The following COL1A1 variants were observed in gnomAD, a reference collection of about 807,000 sequenced individuals.
COL1A1 encodes collagen alpha-1(I) chain.
Under a neutral mutation model 195.7 loss-of-function variants are expected in COL1A1, and 21 were observed. The observed-to-expected ratio is 0.11, with a 90% CI of 0.08 to 0.15. The LOEUF (loss-of-function observed/expected upper bound fraction) is 0.15, where lower values mean the gene tolerates loss of function less well. Among genes scored for constraint, COL1A1 ranks in the 10% least tolerant of loss-of-function variants. COL1A1 has a pLI of 1.00. For synonymous variants in COL1A1, 749 were observed against 747.3 expected (o/e 1.00, Z -0.04); for missense variants, 1,365 against 2,051.0 (o/e 0.67, Z 6.46).
In COL1A1 at chr17:50,185,606, T is replaced by C; in HGVS notation, c.4291A>G (p.Thr1431Ala). 1 of 1,613,828 alleles carries C rather than the reference T, an allele frequency of 6.2e-7. No homozygotes were observed. Among genetic ancestry groups the C allele is most frequent in the Non-Finnish European group, 8.5e-7 (1 of 1,179,960 alleles). ...ATGGGCAGGCGGGAGGTCTTGGTGGTTTTGTATTCAATCACTGTCTTGCCC... is the reference window on the plus strand; with the variant it reads ...ATGGGCAGGCGGGAGGTCTTGGTGGCTTTGTATTCAATCACTGTCTTGCCC... ...AWGKTVIEYK[T>A]TKTSRLPIID... Residue 1431 changes from threonine (T) to alanine (A), a missense_variant, in exon 51 of 51, where the codon ACC (threonine) becomes GCC (alanine). By Grantham distance (58) the Thr-to-Ala change is moderately conservative. This residue lies in a region of COL1A1 where 273 missense variants were observed against 338.6 expected (regional missense o/e 0.81). Coordinates refer to ENST00000225964, the MANE Select transcript of COL1A1 (RefSeq NM_000088.4).
chr17:50,199,511 G>A (rs950859114), intron 3 of COL1A1, 45 bp downstream of exon 3: 1 of 1,614,210 alleles, frequency 6.2e-7, no homozygotes, highest in East Asian at 2.2e-5. Context: ...GGACTGTGAG[G>A]AGTCACGGGC....
Position 50,191,256 on chromosome 17 carries a change from AG to A in COL1A1, c.2235+126del, listed in dbSNP as rs1210404537. 4 of 928,138 alleles carry A rather than the reference AG, an allele frequency of 4.3e-6. No homozygotes were observed. The African/African-American group carries it at 6.5e-5, about 15-fold the overall frequency. 57.5% of individuals were successfully genotyped at this position (928,138 alleles called of 1,614,324 possible). A position where few individuals can be genotyped will look rare whatever the true frequency, so the allele number is the denominator to read the frequency against. On this transcript the variant is annotated intron_variant, in intron 32 of 50. Transcript: ENST00000225964. ...CATCAGCAAAAAGGCCAGAGGGGAA[AG>A]GGGAAGAAGGGAGGATTAGCGAGAA...
At position 50,184,824 on chromosome 17, in the gene COL1A1, C is replaced by A; in HGVS notation, c.*678G>T. The A allele has an allele frequency of 5.0e-6, 1 of 198,186 alleles. No homozygotes were observed. 12.3% of individuals were successfully genotyped at this position (198,186 alleles called of 1,614,324 possible). The stretch of plus-strand genomic sequence containing the variant: ...ATCCGATGTTTCTGCTTTGTCGTGG[C>A]CCTTCCTGACTCTCCTCCGAACCCA... On this transcript the variant is annotated 3_prime_UTR_variant, in exon 51 of 51. Coordinates refer to ENST00000225964, the MANE Select transcript of COL1A1 (RefSeq NM_000088.4).
rs758914804 is a variant in COL1A1 at position 50,187,130 on chromosome 17, G to T, written c.3424-8C>A. On this transcript the variant is annotated splice_region_variant and splice_polypyrimidine_tract_variant and intron_variant, in intron 46 of 50. Coordinates refer to ENST00000225964, the MANE Select transcript of COL1A1 (RefSeq NM_000088.4). ...AGCAGAGCCAGGGGGACCCTGGAGT[G>T]GGGGAAATGGTTTGAGAAAGGCTGC... The T allele has an allele frequency of 1.3e-6, 2 of 1,593,450 alleles. No homozygotes were observed. Among genetic ancestry groups the T allele is most frequent in the Non-Finnish European group, 1.7e-6 (2 of 1,168,208 alleles).
At chr17:50,197,902 T>C in intron 8 of COL1A1, 47 bp downstream of exon 8, 1 of 1,601,618 alleles carries the variant, frequency 6.2e-7, no homozygotes, top group South Asian at 1.1e-5. Flanking sequence ...TATAGGAGAG[T>C]CTGTGTGTTT....
Position 50,190,333 on chromosome 17 carries a change from G to C in COL1A1, c.2445C>G (p.Gly815=), listed in dbSNP as rs762075856. The C allele has an allele frequency of 1.3e-6, 2 of 1,594,446 alleles. No individual in the cohort carries two copies. The highest frequency in any genetic ancestry group is 1.7e-6 in the Non-Finnish European group (2 of 1,163,756). ...TGGGGGTCTTGGTACTCACAGGGGGGCCAGCAAAGCCAGCAGGGCCGGGGG... is the reference window on the plus strand; with the variant it reads ...TGGGGGTCTTGGTACTCACAGGGGGCCCAGCAAAGCCAGCAGGGCCGGGGG... The part of the protein sequence containing the change: ...PGPPGPAGFA[G]PPGADGQPGA... Residue 815 remains glycine, a synonymous_variant, in exon 35 of 51, where the codon GGC becomes GGG. Transcript: ENST00000225964. This position sits in a 1 kb window ranked among gnomAD's most constrained non-coding sequence, Gnocchi z 4.7.
intron 29 of COL1A1, 142 bp from the exon 30 acceptor site, chr17:50,192,166 C>A: frequency 1.1e-6 from 1 of 912,660 alleles, no homozygotes; most frequent in Non-Finnish European, 1.7e-6. Flanking sequence ...TTATCCCAAA[C>A]AGCCCCTCTC....
intron 1 of COL1A1, among the ~76,000 whole-genome samples, chr17:50,200,782 A>G (rs1383882647): frequency 6.6e-6 from 1 of 152,194 alleles, no homozygotes; most frequent in Non-Finnish European, 1.5e-5. Flanking sequence ...TTCCAGATCT[A>G]GAGGTGGGGG....
intron 9 of COL1A1, among the ~76,000 whole-genome samples, chr17:50,197,526 G>GAGGTGGCTC (rs1309219698): frequency 6.6e-6 from 1 of 152,196 alleles, no homozygotes; most frequent in Non-Finnish European, 1.5e-5. Flanking sequence ...TAAGGTGGCT[G>GAGGTGGCTC]GGGTGAGGAG....
rs762086114 is a variant in COL1A1 at position 50,194,409 on chromosome 17, G to C, written c.1554C>G (p.Gly518=). 6 of 1,614,166 alleles carry C rather than the reference G, an allele frequency of 3.7e-6. No individual in the cohort carries two copies. The South Asian group carries it at 5.5e-5, about 15-fold the overall frequency. The part of the protein sequence containing the change: ...AGERGSPGPA[G]PKGSPGEAGR... The stretch of plus-strand genomic sequence containing the variant: ...CAGCTTCACCAGGAGATCCTTTGGG[G>C]CCAGCAGGGCCAGGAGAACCACGTT... Residue 518 remains glycine, a synonymous_variant, in exon 23 of 51, where the codon GGC becomes GGG. Coordinates refer to ENST00000225964, the MANE Select transcript of COL1A1 (RefSeq NM_000088.4). The surrounding 1 kb of genome is among the most constrained non-coding windows in gnomAD (Gnocchi z 6.8).
In COL1A1 at chr17:50,190,306, G is replaced by T; in HGVS notation, c.2451+21C>A. ...CAGGTCCCAGTCGGTGATGAAAAAT[G>T]ATGGGGGTCTTGGTACTCACAGGGG... is the stretch of plus-strand genomic sequence containing the variant. On this transcript the variant is annotated intron_variant, in intron 35 of 50. Coordinates refer to ENST00000225964, the MANE Select transcript of COL1A1 (RefSeq NM_000088.4). The surrounding 1 kb of genome is among the most constrained non-coding windows in gnomAD (Gnocchi z 4.7). 1.3e-6 allele frequency: 2 copies of T among 1,541,300 alleles called. No homozygotes were observed. Among genetic ancestry groups the T allele is most frequent in the Non-Finnish European group, 1.8e-6 (2 of 1,114,690 alleles).
intron 31 of COL1A1, 35 bp downstream of exon 31, chr17:50,191,753 G>A (rs1296542340): frequency 1.9e-6 from 3 of 1,551,552 alleles, no homozygotes; most frequent in Non-Finnish European, 2.6e-6. Context: ...TGGTCCCTGG[G>A]CCACTTGCCA....
In COL1A1 at chr17:50,185,257, CTTTTTTTTTT is replaced by C. The variant is rs56302025; in HGVS notation, c.*235_*244del. The C allele has an allele frequency of 5.2e-6, 1 of 191,288 alleles. No homozygotes were observed. The highest frequency in any genetic ancestry group is 7.2e-5 in the Admixed American group (1 of 13,878). 11.8% of individuals were successfully genotyped at this position (191,288 alleles called of 1,614,324 possible). On this transcript the variant is annotated 3_prime_UTR_variant, in exon 51 of 51. Coordinates refer to ENST00000225964, the MANE Select transcript of COL1A1 (RefSeq NM_000088.4). ...TTTTTTAAAAAGTTATTTATTTATT[CTTTTTTTTTT>C]TTTTTTTTTGGTAAGGTTGAATGCA...
In COL1A1 at chr17:50,191,771, T is replaced by A. The variant is rs1288654013; in HGVS notation, c.2127+17A>T. On this transcript the variant is annotated intron_variant, in intron 31 of 50. Transcript: ENST00000225964. ...TCCCTGGGCCACTTGCCAGAGCCCC[T>A]TCCACGCTGCCCTCACCTTAGCACC... 2 of 1,562,228 alleles carry A rather than the reference T, an allele frequency of 1.3e-6. No individual in the cohort carries two copies. The highest frequency in any genetic ancestry group is 4.7e-5 in the East Asian group (2 of 42,162).
rs1192744300 is a variant in COL1A1 at position 50,188,474 on chromosome 17, G to C, written c.3207+56C>G. ...ACACCCATCCCCAGGCCTCTAAGGAGGCCTGAAGAGTCCCTGGCCTGACCA... is the reference window on the plus strand; with the variant it reads ...ACACCCATCCCCAGGCCTCTAAGGACGCCTGAAGAGTCCCTGGCCTGACCA... On this transcript the variant is annotated intron_variant, in intron 43 of 50. Transcript: ENST00000225964. The surrounding 1 kb of genome is among the most constrained non-coding windows in gnomAD (Gnocchi z 5.6). 1.7e-5 allele frequency: 26 copies of C among 1,534,994 alleles called. No homozygotes were observed. The highest frequency in any genetic ancestry group is 2.1e-5 in the Non-Finnish European group (23 of 1,108,848).
In COL1A1 at chr17:50,199,313, G is replaced by C. The variant is rs1907857933; in HGVS notation, c.384C>G (p.Pro128=). The change falls in exon 5 of 51, where the codon CCC becomes CCG. Residue 128 remains proline, a synonymous_variant. Coordinates refer to ENST00000225964, the MANE Select transcript of COL1A1 (RefSeq NM_000088.4). ...GPRGPRGPAG[P]PGRDGIPGQP... ...GTCCAGGGATGCCATCTCGGCCAGGGGGGCCTGCGGGTCCCTGCAGGGGGA... is the reference window on the plus strand; with the variant it reads ...GTCCAGGGATGCCATCTCGGCCAGGCGGGCCTGCGGGTCCCTGCAGGGGGA... The C allele has an allele frequency of 3.2e-6, 5 of 1,549,936 alleles. No homozygotes were observed. In the East Asian group the frequency reaches 7.3e-5, roughly 23 times the overall value.
Position 50,192,523 on chromosome 17 carries a change from G to T in COL1A1, c.1935C>A (p.Leu645=). 1 of 1,614,034 alleles carries T rather than the reference G, an allele frequency of 6.2e-7. No homozygotes were observed. The highest frequency in any genetic ancestry group is 1.1e-5 in the South Asian group (1 of 91,086). The change falls in exon 29 of 51, where the codon CTC becomes CTA. Residue 645 remains leucine, a synonymous_variant. Coordinates refer to ENST00000225964, the MANE Select transcript of COL1A1 (RefSeq NM_000088.4). ...CACCTGGAGGACCAGCAGGACCAGG[G>T]AGACCCTGTAGGTGGGAAATGGGGG... ...GPAGSPGFQG[L]PGPAGPPGEA... is the part of the protein sequence containing the mutation.
rs1235430035 is a variant in COL1A1, at chr17:50,197,985, T to C, written c.606A>G (p.Gln202=). Residue 202 remains glutamine (Q), a synonymous_variant, in exon 8 of 51, where the codon CAA becomes CAG. Coordinates refer to ENST00000225964, the MANE Select transcript of COL1A1 (RefSeq NM_000088.4). ...GCTCGCCAGGCTCACCAGGGGGACC[T>C]TGGAAGCCTTGGGGACCCTTGAGAA... ...PPGAPGPQGF[Q]GPPGEPGEPG... The C allele has an allele frequency of 6.2e-7, 1 of 1,613,824 alleles. No individual in the cohort carries two copies. Among genetic ancestry groups the C allele is most frequent in the Non-Finnish European group, 8.5e-7 (1 of 1,179,972 alleles).
intron 31 of COL1A1, 137 bp downstream of exon 31, chr17:50,191,651 G>T: frequency 8.8e-7 from 1 of 1,131,714 alleles, no homozygotes; most frequent in Non-Finnish European, 1.3e-6. Context: ...CTGTGTGTGG[G>T]CCCCTGCCCT....
Sources: allele counts gnomAD v4.1 joint callset (sites outside exome capture counted in the v4.1 genomes callset), GRCh38; gene constraint gnomAD v4.1.1; regional missense constraint gnomAD v4.1.1; non-coding constraint Gnocchi (gnomAD v3.1); transcripts MANE v1.5; gene names NCBI Gene and HGNC (gene_info 2026-07-23, HGNC 2026-07-21).